The following KCNIP4 variants were observed in gnomAD, a reference collection of about 807,000 sequenced individuals.
KCNIP4 encodes the protein potassium voltage-gated channel interacting protein 4, also known as Kv channel-interacting protein 4.
Under a neutral mutation model 34.0 loss-of-function variants are expected in KCNIP4, and 12 were observed. That is an observed-to-expected ratio of 0.35 (90% confidence interval 0.23 to 0.57). KCNIP4 has a LOEUF of 0.57. Ranked by LOEUF, KCNIP4 falls within the 20% of genes least tolerant of loss-of-function variation. The pLI is 0.83. For missense variants in KCNIP4, 238 were observed against 311.7 expected, an observed-to-expected ratio of 0.76 and a Z score of 1.78; for synonymous variants, 124 against 102.2, an observed-to-expected ratio of 1.21 and a Z score of -1.29.
At chr4:21,074,537 T>C (rs1385009080) in intron 1 of KCNIP4, among the ~76,000 whole-genome samples, 1 of 152,198 alleles carries the variant, frequency 6.6e-6, no homozygotes, top group Non-Finnish European at 1.5e-5. Flanking sequence ...TTTTCTTCTT[T>C]ATTAGTCTTG....
chr4:21,268,861 A>T (rs931646531), intron 1 of KCNIP4, among the ~76,000 whole-genome samples: 1 of 152,254 alleles, frequency 6.6e-6, no homozygotes, highest in African/African-American at 2.4e-5. Flanking sequence ...TAAAGCCAAG[A>T]CGTAAAGAAT....
Position 20,749,657 on chromosome 4 carries a change from C to T in KCNIP4, c.429+5G>A. The stretch of plus-strand genomic sequence containing the variant: ...CAAATGATATGAAAATAATCCAGAG[C>T]TTACCTCGAAACTCACAGCTCCATT... On this transcript the variant is annotated splice_donor_5th_base_variant and intron_variant, in intron 5 of 8. Coordinates refer to ENST00000382152, the MANE Select transcript of KCNIP4 (RefSeq NM_025221.6). 6.3e-7 allele frequency: 1 copy of T among 1,589,088 alleles called. No individual in the cohort carries two copies. Among genetic ancestry groups the T allele is most frequent in the Non-Finnish European group, 8.6e-7 (1 of 1,159,704 alleles).
chr4:21,233,999 A>C lies in KCNIP4; in HGVS notation c.62-351290T>G, dbSNP rs565593524. On this transcript the variant is annotated intron_variant, in intron 1 of 8. Transcript: ENST00000382152. ...AACATATATAACATATAACATGTATAATATATAACATATATAACATATATT... is the reference window on the plus strand; with the variant it reads ...AACATATATAACATATAACATGTATCATATATAACATATATAACATATATT... Among the ~76,000 whole-genome samples the C allele has an allele frequency of 1.2e-4, 14 of 114,230 alleles. No homozygotes were observed. The East Asian group carries it at 3.1e-3, about 25-fold the overall frequency. The allele number at this position is 114,230 out of a possible 152,430, so 74.9% of individuals were successfully genotyped here. A position where few individuals can be genotyped will look rare whatever the true frequency, so the allele number is the denominator to read the frequency against.
chr4:20,809,488 T>C (rs1459869244), intron 3 of KCNIP4, among the ~76,000 whole-genome samples: 2 of 152,200 alleles, frequency 1.3e-5, no homozygotes, highest in African/African-American at 4.8e-5. Context: ...GGAGTTTCTC[T>C]GCCTAGATGT....
intron 1 of KCNIP4, among the ~76,000 whole-genome samples, chr4:21,171,092 G>A (rs1350693406): frequency 1.3e-5 from 2 of 152,138 alleles, no homozygotes; most frequent in Non-Finnish European, 2.9e-5. Context: ...TCAAGTTTGA[G>A]TTACAAATAA....
intron 1 of KCNIP4, among the ~76,000 whole-genome samples, chr4:20,923,498 A>G (rs1243330881): frequency 1.3e-5 from 2 of 152,164 alleles, no homozygotes; most frequent in African/African-American, 4.8e-5. Flanking sequence ...TGCAACACAG[A>G]AAAAGCTCAT....
At chr4:21,232,456 T>C (rs1230445724) in intron 1 of KCNIP4, among the ~76,000 whole-genome samples, 2 of 152,180 alleles carry the variant, frequency 1.3e-5, no homozygotes, top group African/African-American at 4.8e-5. Context: ...GATTGGCTAC[T>C]GGGACTATGT....
chr4:21,540,156 A>AT lies in KCNIP4; in HGVS notation c.61+408414dup, dbSNP rs1224966553. On this transcript the variant is annotated intron_variant, in intron 1 of 8. Transcript: ENST00000382152. The stretch of plus-strand genomic sequence containing the variant: ...GGCCTTCAGATTTGAAAATCTCAAT[A>AT]TTTCTTTCTACTAAACCATGTGGCC... Among the ~76,000 whole-genome samples the AT allele has an allele frequency of 3.3e-5, 5 of 152,174 alleles. No homozygotes were observed. In the East Asian group the frequency reaches 9.7e-4, roughly 29 times the overall value.
At chr4:21,020,122 A>T (rs1204134781) in intron 1 of KCNIP4, among the ~76,000 whole-genome samples, 1 of 152,202 alleles carries the variant, frequency 6.6e-6, no homozygotes, top group Non-Finnish European at 1.5e-5. Context: ...TTATACAGGT[A>T]TAATACTTAT....
At chr4:20,856,249 C>G (rs1721558193) in intron 2 of KCNIP4, among the ~76,000 whole-genome samples, 1 of 152,172 alleles carries the variant, frequency 6.6e-6, no homozygotes, top group Non-Finnish European at 1.5e-5. Context: ...CCTGTGCTTT[C>G]TTGAACAATG....
chr4:21,584,765 TA>T (rs1741487137), intron 1 of KCNIP4, among the ~76,000 whole-genome samples: 1 of 152,016 alleles, frequency 6.6e-6, no homozygotes, highest in South Asian at 2.1e-4. Context: ...AGTGCTGGAA[TA>T]AAAACTTGGA....
At chr4:21,854,622 GCA>G (rs1417791694) in intron 1 of KCNIP4, among the ~76,000 whole-genome samples, 1 of 152,014 alleles carries the variant, frequency 6.6e-6, no homozygotes, top group South Asian at 2.1e-4. Flanking sequence ...TCTACCCTTG[GCA>G]CACCATTCTT....
intron 4 of KCNIP4, among the ~76,000 whole-genome samples, chr4:20,751,161 C>T (rs928219444): frequency 2.6e-5 from 4 of 152,198 alleles, no homozygotes; most frequent in African/African-American, 9.7e-5. Flanking sequence ...GCTCATCTCT[C>T]ACCTTTTTAA....
At chr4:20,764,021 A>T (rs1228586128) in intron 3 of KCNIP4, among the ~76,000 whole-genome samples, 1 of 152,196 alleles carries the variant, frequency 6.6e-6, no homozygotes, top group Non-Finnish European at 1.5e-5. Flanking sequence ...GGATCCAAGA[A>T]GCAGTAGGGT....
chr4:21,462,931 G>T (rs908431592), intron 1 of KCNIP4, among the ~76,000 whole-genome samples: 1 of 151,266 alleles, frequency 6.6e-6, no homozygotes, highest in Non-Finnish European at 1.5e-5. Flanking sequence ...TGAACATTTA[G>T]GTTGATTCCA....
chr4:21,266,524 T>G (rs1317239356), intron 1 of KCNIP4, among the ~76,000 whole-genome samples: 1 of 152,194 alleles, frequency 6.6e-6, no homozygotes, highest in Non-Finnish European at 1.5e-5. Context: ...TTAGCCAGAA[T>G]GGAATGTGAC....
At chr4:21,346,592 A>G (rs1330274644) in intron 1 of KCNIP4, among the ~76,000 whole-genome samples, 1 of 151,904 alleles carries the variant, frequency 6.6e-6, no homozygotes, top group East Asian at 1.9e-4. Context: ...CAACTTTTTT[A>G]TGGTGTTATC....
At chr4:20,877,960 TTC>T (rs200014631) in intron 2 of KCNIP4, among the ~76,000 whole-genome samples, 3 of 129,286 alleles carry the variant, frequency 2.3e-5, no homozygotes, top group South Asian at 2.6e-4. Flanking sequence ...AGCTAATGTT[TTC>T]TCTCTCTCTT....
Position 21,379,505 on chromosome 4 carries a change from A to G in KCNIP4, c.62-496796T>C, listed in dbSNP as rs188952228. ...CAACACTTCCAACAATGCTGCATTT[A>G]AGTTTTACTACTAGGTGGGAGAGTT... is the stretch of plus-strand genomic sequence containing the variant. On this transcript the variant is annotated intron_variant, in intron 1 of 8. Coordinates refer to ENST00000382152, the MANE Select transcript of KCNIP4 (RefSeq NM_025221.6). 7.2e-5 allele frequency among the ~76,000 whole-genome samples: 11 copies of G among 152,312 alleles called. No homozygotes were observed. In the East Asian group the frequency reaches 2.1e-3, roughly 29 times the overall value.
Sources: gnomAD v4.1 joint callset for allele counts (sites outside exome capture counted in the v4.1 genomes callset) on GRCh38, gnomAD v4.1.1 for gene constraint, MANE v1.5 for transcripts, NCBI Gene and HGNC (gene_info 2026-07-23, HGNC 2026-07-21) for gene names.